MLXIPL: variants seen among roughly 807,000 people sequenced by gnomAD.
MLXIPL encodes MLX interacting protein like.
MLXIPL carries 49 observed loss-of-function variants against 81.5 expected under a neutral mutation model. The ratio of observed to expected loss-of-function variants is 0.60; its 90% CI spans 0.48 to 0.76. The LOEUF is 0.76. Ranked by LOEUF, MLXIPL falls within the 30% of genes least tolerant of loss-of-function variation. The pLI, the probability that MLXIPL is intolerant of heterozygous loss-of-function variation, is 0.00. For synonymous variants in MLXIPL, 466 were observed against 485.5 expected (o/e 0.96, Z 0.53); for missense variants, 1,053 against 1,167.0 (o/e 0.90, Z 1.42).
At chr7:73,602,130 G>GCCTTCCTTCCTTCCTCCCTTCCTT (rs1794902392) in intron 7 of MLXIPL, among the ~76,000 whole-genome samples, 1 of 80,508 alleles carries the variant, frequency 1.2e-5, no homozygotes, top group South Asian at 5.3e-4. Flanking sequence ...CTGCCTGCCT[G>GCCTTCCTTCCTTCCTCCCTTCCTT]CCTTCCTTCC....
intron 2 of MLXIPL, among the ~76,000 whole-genome samples, chr7:73,614,507 G>A (rs782180329): frequency 2.0e-5 from 3 of 152,178 alleles, no homozygotes; most frequent in East Asian, 1.9e-4. Context: ...CCAGCGGGGC[G>A]AGGACAGAGA....
rs1419749580 is a variant in MLXIPL at position 73,602,122 on chromosome 7, G to GCCTTCCTT, written c.902-2428_902-2427insAAGGAAGG. ...TTCCTGCCTGCCTGCCTGCCTGCCT[G>GCCTTCCTT]CCTGCCTGCCTTCCTTCCTTCCTTC... On this transcript the variant is annotated intron_variant, in intron 7 of 16. Coordinates refer to ENST00000313375, the MANE Select transcript of MLXIPL (RefSeq NM_032951.3). 2.6e-3 allele frequency among the ~76,000 whole-genome samples: 153 copies of GCCTTCCTT among 59,642 alleles called. 1 individual carries two copies. Among genetic ancestry groups the GCCTTCCTT allele is most frequent in the Middle Eastern group, 0.019 (2 of 108 alleles). 39.1% of individuals were successfully genotyped at this position (59,642 alleles called of 152,430 possible).
chr7:73,599,525 C>T lies in MLXIPL; in HGVS notation c.1071+1G>A. ...GGCTGGACGGGGTGGGGTGAGCTCA[C>T]CTGCAGACGGCTGTGTCCAGAGAGG... On this transcript the variant is annotated splice_donor_variant, in intron 8 of 16. Transcript: ENST00000313375. LOFTEE classifies it high-confidence loss of function. 1.2e-6 allele frequency: 2 copies of T among 1,612,434 alleles called. No individual in the cohort carries two copies. The highest frequency in any genetic ancestry group is 1.3e-5 in the African/African-American group (1 of 74,820).
chr7:73,622,032 C>T (rs1796419417), intron 1 of MLXIPL, among the ~76,000 whole-genome samples: 2 of 125,516 alleles, frequency 1.6e-5, no homozygotes, highest in Non-Finnish European at 3.4e-5. Flanking sequence ...TCCCTCCCTC[C>T]CTCCCTTCCT....
the MLXIPL span, among the ~76,000 whole-genome samples, chr7:73,631,462 C>A: frequency 6.6e-6 from 1 of 150,718 alleles, no homozygotes; most frequent in Middle Eastern, 3.3e-3. Flanking sequence ...TATAAAGCTC[C>A]AAAATAGGCT....
At chr7:73,616,985 GTGTTT>G (rs1269344272) in intron 1 of MLXIPL, among the ~76,000 whole-genome samples, 3 of 152,056 alleles carry the variant, frequency 2.0e-5, no homozygotes, top group Admixed American at 6.6e-5. Context: ...GGGAGCCTCT[GTGTTT>G]TGTTTTGGTT....
chr7:73,631,283 G>C, the MLXIPL span, among the ~76,000 whole-genome samples: 1 of 152,046 alleles, frequency 6.6e-6, no homozygotes, highest in Non-Finnish European at 1.5e-5. Flanking sequence ...CCAAAGTGCT[G>C]GGATTACAGG....
At chr7:73,609,552 C>T (rs1299046783) in intron 2 of MLXIPL, 4 of 138,574 alleles carry the variant, frequency 2.9e-5, no homozygotes, top group Non-Finnish European at 6.2e-5. Context: ...GCCCTGGCCG[C>T]TTTGTGTGTG....
At chr7:73,595,613 A>C (rs1794213659) in intron 15 of MLXIPL, 24 bp downstream of exon 15, 1 of 1,613,914 alleles carries the variant, frequency 6.2e-7, no homozygotes, top group Admixed American at 1.7e-5. Context: ...GCAGCCCCCC[A>C]GCCATGGGCT....
intron 7 of MLXIPL, among the ~76,000 whole-genome samples, chr7:73,602,675 A>G (rs13226650): frequency 0.18 from 27,854 of 151,594 alleles, 2,685 homozygotes; most frequent in African/African-American, 0.22. Context: ...GCAAGATTCC[A>G]TCTCAAAAAA....
chr7:73,624,141 G>GGGCC, intron 1 of MLXIPL, 59 bp downstream of exon 1: 1 of 1,320,914 alleles, frequency 7.6e-7, no homozygotes, highest in Non-Finnish European at 1.0e-6. Flanking sequence ...TCCTGCCCCG[G>GGGCC]ACCCCCCCCC....
the MLXIPL span, among the ~76,000 whole-genome samples, chr7:73,636,358 C>G: frequency 6.7e-6 from 1 of 149,724 alleles, no homozygotes; most frequent in Non-Finnish European, 1.5e-5. Flanking sequence ...TGTGGTGAGC[C>G]GAGATTGAGC....
intron 15 of MLXIPL, 44 bp downstream of exon 15, chr7:73,595,593 C>T (rs1380935600): frequency 6.2e-7 from 1 of 1,613,882 alleles, no homozygotes; most frequent in African/African-American, 1.3e-5. Context: ...CTCACCCTGC[C>T]ACAGCCCCTG....
chr7:73,633,550 C>G, the MLXIPL span, among the ~76,000 whole-genome samples: 1 of 152,042 alleles, frequency 6.6e-6, no homozygotes, highest in Admixed American at 6.6e-5. Flanking sequence ...TTGACCTGGG[C>G]TCCAGCCATC....
At chr7:73,639,415 G>A in the MLXIPL span, among the ~76,000 whole-genome samples, 1 of 152,196 alleles carries the variant, frequency 6.6e-6, no homozygotes, top group East Asian at 1.9e-4. Flanking sequence ...GTGAAAAGCA[G>A]CATGGTTGGA....
the MLXIPL span, among the ~76,000 whole-genome samples, chr7:73,646,887 C>T: frequency 6.6e-6 from 1 of 152,158 alleles, no homozygotes; most frequent in East Asian, 1.9e-4. Context: ...GACTTCCTGA[C>T]TCAGCTGACC....
intron 2 of MLXIPL, among the ~76,000 whole-genome samples, chr7:73,615,773 A>G (rs2074768): frequency 6.6e-6 from 1 of 151,648 alleles, no homozygotes; most frequent in African/African-American, 2.4e-5. Flanking sequence ...ATTAGCTGGG[A>G]GTGGTGGTGG....
chr7:73,596,916 G>C lies in MLXIPL; in HGVS notation c.1620C>G (p.Ala540=), dbSNP rs113368872. The C allele has an allele frequency of 1.2e-6, 2 of 1,609,870 alleles. No individual in the cohort carries two copies. The highest frequency in any genetic ancestry group is 1.7e-6 in the Non-Finnish European group (2 of 1,179,460). ...TGCTGGATACAAGTGGTGGCTCCAG[G>C]GCTTGCTCCGGCTTAGCTGTGCACG... ...QLLTAAKPEQ[A]LEPPLVSSTL... Residue 540 remains alanine, a synonymous_variant, in exon 10 of 17, where the codon GCC becomes GCG. Transcript: ENST00000313375. This position sits in a 1 kb window ranked among gnomAD's most constrained non-coding sequence, Gnocchi z 4.7.
chr7:73,634,981 ATTTTTTT>A, the MLXIPL span, among the ~76,000 whole-genome samples: 2 of 131,746 alleles, frequency 1.5e-5, no homozygotes, highest in African/African-American at 5.6e-5. Context: ...ACGCCCAGCT[ATTTTTTT>A]TTTTTTTTTG....
Sources: allele counts gnomAD v4.1 joint callset (sites outside exome capture counted in the v4.1 genomes callset), GRCh38; gene constraint gnomAD v4.1.1; non-coding constraint Gnocchi (gnomAD v3.1); transcripts MANE v1.5; gene names NCBI Gene and HGNC (gene_info 2026-07-23, HGNC 2026-07-21).